CHODL: variants seen among roughly 807,000 people sequenced by gnomAD.
The protein encoded by CHODL is transmembrane protein MT75.
A neutral mutation model predicts 34.5 loss-of-function variants in CHODL; 29 were observed. The observed-to-expected ratio is 0.84, with a 90% CI of 0.63 to 1.15. The LOEUF is 1.15. Among genes scored for constraint, CHODL ranks in the 50% most tolerant of loss-of-function variants. CHODL has a pLI of 0.00. For missense variants in CHODL, 332 were observed against 332.5 expected (o/e 1.00, Z 0.01); for synonymous variants, 125 against 116.1 (o/e 1.08, Z -0.49).
intron 2 of CHODL, among the ~76,000 whole-genome samples, chr21:18,153,933 C>T (rs1460000181): frequency 3.3e-5 from 5 of 152,074 alleles, no homozygotes; most frequent in African/African-American, 9.7e-5. Flanking sequence ...TTCTGCTTCA[C>T]GTAGTCATTC....
intron 2 of CHODL, among the ~76,000 whole-genome samples, chr21:18,031,997 A>G (rs1285492369): frequency 6.6e-6 from 1 of 152,098 alleles, no homozygotes; most frequent in Non-Finnish European, 1.5e-5. Flanking sequence ...CTAATTTACA[A>G]TGCTACTGCA....
intron 2 of CHODL, among the ~76,000 whole-genome samples, chr21:18,118,428 TCTTA>T (rs931158334): frequency 3.9e-5 from 6 of 152,160 alleles, no homozygotes; most frequent in African/African-American, 1.4e-4. Flanking sequence ...TTCTCAAAAG[TCTTA>T]CTTTTAAGAA....
chr21:17,980,877 G>T, intron 1 of CHODL, among the ~76,000 whole-genome samples: 1 of 152,168 alleles, frequency 6.6e-6, no homozygotes, highest in South Asian at 2.1e-4. Context: ...CTTTGAAAAA[G>T]ATGAGAGAAG....
chr21:17,951,957 G>A (rs915992749), intron 1 of CHODL, among the ~76,000 whole-genome samples: 2 of 152,044 alleles, frequency 1.3e-5, no homozygotes, highest in South Asian at 2.1e-4. Context: ...AGAAAGGCCA[G>A]GTACAGTGGC....
intron 2 of CHODL, among the ~76,000 whole-genome samples, chr21:18,064,893 CA>C (rs1568867842): frequency 6.6e-6 from 1 of 152,148 alleles, no homozygotes; most frequent in Non-Finnish European, 1.5e-5. Context: ...ACAGAATAAA[CA>C]AGAATATTGC....
At chr21:18,210,006 G>A (rs776533889) in intron 2 of CHODL, among the ~76,000 whole-genome samples, 2 of 152,100 alleles carry the variant, frequency 1.3e-5, no homozygotes, top group Non-Finnish European at 2.9e-5. Context: ...GGGTATAAGT[G>A]GTGCAAGGAC....
At chr21:17,920,598 C>G (rs1568798284) in intron 1 of CHODL, among the ~76,000 whole-genome samples, 1 of 152,170 alleles carries the variant, frequency 6.6e-6, no homozygotes, top group South Asian at 2.1e-4. Flanking sequence ...ATATCATATA[C>G]TAAACTCACA....
intron 2 of CHODL, among the ~76,000 whole-genome samples, chr21:18,060,449 C>CAAAT (rs58886259): frequency 0.049 from 7,236 of 149,098 alleles, 580 homozygotes; most frequent in African/African-American, 0.17. Context: ...GACTCTGTCT[C>CAAAT]AAATAAATAA....
At chr21:17,986,427 AT>A (rs2063754344) in intron 1 of CHODL, among the ~76,000 whole-genome samples, 1 of 151,324 alleles carries the variant, frequency 6.6e-6, no homozygotes, top group Non-Finnish European at 1.5e-5. Context: ...TGGTTTTCGG[AT>A]CTTGTGATGG....
intron 2 of CHODL, among the ~76,000 whole-genome samples, chr21:18,050,206 T>G (rs937302224): frequency 6.6e-6 from 1 of 151,702 alleles, no homozygotes; most frequent in Non-Finnish European, 1.5e-5. Context: ...GTGTGACAGG[T>G]GGCTGTGTTT....
chr21:18,145,406 C>T (rs2146616941), intron 2 of CHODL, among the ~76,000 whole-genome samples: 1 of 134,496 alleles, frequency 7.4e-6, no homozygotes, highest in South Asian at 2.4e-4. Context: ...CACTGCACTC[C>T]AGCCTAGGGG....
At chr21:18,066,517 A>T (rs1344664054) in intron 2 of CHODL, among the ~76,000 whole-genome samples, 2 of 152,140 alleles carry the variant, frequency 1.3e-5, no homozygotes, top group Non-Finnish European at 2.9e-5. Context: ...TGTGGAACAA[A>T]CCTTGGGACA....
At chr21:18,058,364 G>A (rs111647448) in intron 2 of CHODL, among the ~76,000 whole-genome samples, 1,916 of 152,226 alleles carry the variant, frequency 0.013, 21 homozygotes, top group Middle Eastern at 0.082. Flanking sequence ...TTAACCAAAG[G>A]AAAGAAAATC....
chr21:18,098,993 A>G (rs1261446322), intron 2 of CHODL, among the ~76,000 whole-genome samples: 1 of 152,124 alleles, frequency 6.6e-6, no homozygotes, highest in African/African-American at 2.4e-5. Context: ...CAAACATCGT[A>G]TATTCTCACA....
chr21:18,109,602 C>G (rs374694546), intron 2 of CHODL, among the ~76,000 whole-genome samples: 1 of 152,148 alleles, frequency 6.6e-6, no homozygotes, highest in South Asian at 2.1e-4. Flanking sequence ...CTCTTTCATT[C>G]TTGTCTTTTT....
chr21:18,026,980 A>G (rs893616937), intron 1 of CHODL, among the ~76,000 whole-genome samples: 2 of 152,200 alleles, frequency 1.3e-5, no homozygotes, highest in Non-Finnish European at 2.9e-5. Context: ...TAATACCTTT[A>G]AATTTATCTG....
chr21:17,934,945 C>T (rs910780303), intron 1 of CHODL, among the ~76,000 whole-genome samples: 10 of 152,092 alleles, frequency 6.6e-5, no homozygotes, highest in Non-Finnish European at 5.9e-5. Flanking sequence ...CTGGGCAGCC[C>T]GCAGTGCTAA....
chr21:18,233,320 C>T (rs1444514256), intron 2 of CHODL, among the ~76,000 whole-genome samples: 1 of 151,976 alleles, frequency 6.6e-6, no homozygotes, highest in African/African-American at 2.4e-5. Flanking sequence ...ATGCTAGAGC[C>T]AGACTGCCTG....
At chr21:18,171,604 C>G (rs1199409176) in intron 2 of CHODL, among the ~76,000 whole-genome samples, 1 of 152,084 alleles carries the variant, frequency 6.6e-6, no homozygotes, top group Non-Finnish European at 1.5e-5. Context: ...TCTACTGATT[C>G]ATTCTTTTTC....
Sources: allele counts gnomAD v4.1 joint callset (sites outside exome capture counted in the v4.1 genomes callset), GRCh38; gene constraint gnomAD v4.1.1; transcripts MANE v1.5; gene names NCBI Gene and HGNC (gene_info 2026-07-23, HGNC 2026-07-21).